GOLIM4: variants seen among roughly 807,000 people sequenced by gnomAD.
GOLIM4 encodes the protein 130 kDa golgi-localized phosphoprotein.
Under a neutral mutation model 107.4 loss-of-function variants are expected in GOLIM4, and 71 were observed. The observed-to-expected ratio is 0.66, with a 90% confidence interval of 0.55 to 0.81. GOLIM4 has a LOEUF of 0.81. GOLIM4 is among the 30% of genes least tolerant of loss of function. The pLI is 0.00. For missense variants in GOLIM4, 830 were observed against 826.1 expected (o/e 1.00, Z -0.06); for synonymous variants, 327 against 294.8 (o/e 1.11, Z -1.12).
chr3:168,013,215 AC>A (rs1007792687), intron 14 of GOLIM4, among the ~76,000 whole-genome samples: 16 of 151,436 alleles, frequency 1.1e-4, no homozygotes, highest in Admixed American at 4.6e-4. Context: ...CAAATGGAAA[AC>A]AAAAAAAGGC....
chr3:168,083,358 T>G (rs1179802157), intron 1 of GOLIM4, among the ~76,000 whole-genome samples: 1 of 152,214 alleles, frequency 6.6e-6, no homozygotes, highest in East Asian at 1.9e-4. Context: ...TGCAGTGCAT[T>G]CATATCTACT....
In GOLIM4 at chr3:168,009,227, C is replaced by T. The variant is rs1478708506; in HGVS notation, c.*1042G>A. 6.6e-6 allele frequency: 1 copy of T among 151,662 alleles called. No homozygotes were observed. Among genetic ancestry groups the T allele is most frequent in the African/African-American group, 2.4e-5 (1 of 41,340 alleles). The allele number at this position is 151,662 out of a possible 1,614,324, so 9.4% of individuals were successfully genotyped here. On this transcript the variant is annotated 3_prime_UTR_variant, in exon 16 of 16. Transcript: ENST00000470487. ...AAAAAGCAGACCCAATCCCAGCAAA[C>T]AGAAAAACCATAAGTCTATCATATC... is the stretch of plus-strand genomic sequence containing the variant.
At position 168,009,774 on chromosome 3, in the gene GOLIM4, C is replaced by T. The variant is rs184024850; in HGVS notation, c.*495G>A. 1 of 152,528 alleles carries T rather than the reference C, an allele frequency of 6.6e-6. No homozygotes were observed. The highest frequency in any genetic ancestry group is 1.9e-4 in the East Asian group (1 of 5,190). The allele number at this position is 152,528 out of a possible 1,614,324, so 9.4% of individuals were successfully genotyped here. A position where few individuals can be genotyped will look rare whatever the true frequency, so the allele number is the denominator to read the frequency against. ...GTACATAGATCTCACTCCAGAGATA[C>T]ATAGACTGGTGAAAATTCTATCAGA... On this transcript the variant is annotated 3_prime_UTR_variant, in exon 16 of 16. Transcript: ENST00000470487.
rs144100210 is a variant in GOLIM4, at chr3:168,063,423, G to A, written c.188-15058C>T. Among the ~76,000 whole-genome samples, 1,414 of 152,108 alleles carry A rather than the reference G, an allele frequency of 9.3e-3. 21 individuals are homozygous for A. The highest frequency in any genetic ancestry group is 0.023 in the African/African-American group (946 of 41,462). On this transcript the variant is annotated intron_variant, in intron 1 of 15. Coordinates refer to ENST00000470487, the MANE Select transcript of GOLIM4 (RefSeq NM_014498.5). ...TTTTAATAGCACTTTTAGGTTCATA[G>A]CAAAATTGAAAGAAAGGTACAGAGA...
chr3:168,086,572 C>T (rs1434635671), intron 1 of GOLIM4, among the ~76,000 whole-genome samples: 2 of 152,140 alleles, frequency 1.3e-5, no homozygotes, highest in Admixed American at 6.5e-5. Flanking sequence ...TTCTATAATG[C>T]CTATCCTTCA....
At position 168,044,890 on chromosome 3, in the gene GOLIM4, C is replaced by CAAA. The variant is rs57702503; in HGVS notation, c.313-12_313-10dup. 1.4e-4 allele frequency: 177 copies of CAAA among 1,267,470 alleles called. No homozygotes were observed. The highest frequency in any genetic ancestry group is 4.1e-4 in the Middle Eastern group (2 of 4,908). The allele number at this position is 1,267,470 out of a possible 1,614,324, so 78.5% of individuals were successfully genotyped here. ...CTGCTATTGGAATCTTGCTGTAAAT[C>CAAA]AAAAAAAAAAAAGAAAACACAAAGA... On this transcript the variant is annotated splice_polypyrimidine_tract_variant and intron_variant, in intron 3 of 15. Transcript: ENST00000470487.
chr3:168,032,391 G>A, intron 9 of GOLIM4, 129 bp downstream of exon 9: 1 of 729,158 alleles, frequency 1.4e-6, no homozygotes, highest in Admixed American at 2.3e-5. Flanking sequence ...ACTTAAATAT[G>A]AGCATATAAT....
intron 1 of GOLIM4, among the ~76,000 whole-genome samples, chr3:168,053,481 C>T (rs1719768552): frequency 6.6e-6 from 1 of 152,150 alleles, no homozygotes; most frequent in Admixed American, 6.5e-5. Flanking sequence ...TTGCAAGTAC[C>T]TCTATCTTCT....
intron 1 of GOLIM4, among the ~76,000 whole-genome samples, chr3:168,090,822 G>A (rs1721868937): frequency 6.6e-6 from 1 of 152,174 alleles, no homozygotes; most frequent in Non-Finnish European, 1.5e-5. Context: ...TATACACCAT[G>A]GAATACTACT....
At position 168,013,501 on chromosome 3, in the gene GOLIM4, G is replaced by A. The variant is rs1451947765; in HGVS notation, c.1861-2678C>T. Among the ~76,000 whole-genome samples, 5 of 143,336 alleles carry A rather than the reference G, an allele frequency of 3.5e-5. No homozygotes were observed. The East Asian group carries it at 5.9e-4, about 17-fold the overall frequency. 94.0% of individuals were successfully genotyped at this position (143,336 alleles called of 152,430 possible). A position where few individuals can be genotyped will look rare whatever the true frequency, so the allele number is the denominator to read the frequency against. On this transcript the variant is annotated intron_variant, in intron 14 of 15. Coordinates refer to ENST00000470487, the MANE Select transcript of GOLIM4 (RefSeq NM_014498.5). ...ATCAACGAGACAGAAAGTCAACAAG[G>A]ATACCCAGGAATTGAACTCAGCTCT...
At chr3:168,067,632 A>G (rs551168981) in intron 1 of GOLIM4, among the ~76,000 whole-genome samples, 50 of 152,202 alleles carry the variant, frequency 3.3e-4, no homozygotes, top group African/African-American at 1.1e-3. Context: ...AAAAATCAAT[A>G]TTTTTCTAAA....
chr3:168,076,373 T>A (rs1041758629), intron 1 of GOLIM4, among the ~76,000 whole-genome samples: 2 of 152,216 alleles, frequency 1.3e-5, no homozygotes, highest in African/African-American at 4.8e-5. Context: ...TTTCTTTGTT[T>A]TTAATCCACA....
chr3:168,014,103 T>C (rs1390185658), intron 14 of GOLIM4, among the ~76,000 whole-genome samples: 32 of 143,904 alleles, frequency 2.2e-4, no homozygotes, highest in Admixed American at 2.2e-3. Context: ...ATCCAGGAGC[T>C]GGTTTTTTGA....
rs1716915669 is a variant in GOLIM4 at position 168,010,254 on chromosome 3, A to G, written c.*15T>C. ...AGAATCCGTTGGCTGAGCGTTGTCT[A>G]GAAATTGGGTGCCGCTACATTTCAG... On this transcript the variant is annotated 3_prime_UTR_variant, in exon 16 of 16. Transcript: ENST00000470487. 1.2e-6 allele frequency: 2 copies of G among 1,607,680 alleles called. No individual in the cohort carries two copies. Among genetic ancestry groups the G allele is most frequent in the African/African-American group, 2.7e-5 (2 of 74,734 alleles).
At chr3:168,054,650 ACT>A (rs201868678) in intron 1 of GOLIM4, among the ~76,000 whole-genome samples, 2,455 of 151,966 alleles carry the variant, frequency 0.016, 57 homozygotes, top group African/African-American at 0.055. Context: ...AATTTTTATT[ACT>A]GTTATAAATA....
At chr3:168,029,678 C>A in intron 10 of GOLIM4, 102 bp downstream of exon 10, 3 of 1,315,896 alleles carry the variant, frequency 2.3e-6, no homozygotes, top group Non-Finnish European at 3.2e-6. Flanking sequence ...GCAATATGAG[C>A]CCCTTAACTT....
At chr3:168,032,342 G>C (rs986306226) in intron 9 of GOLIM4, among the ~76,000 whole-genome samples, 178 bp downstream of exon 9, 4 of 152,074 alleles carry the variant, frequency 2.6e-5, no homozygotes, top group African/African-American at 9.7e-5. Context: ...ATCTTTCTGA[G>C]GTATGCGAAT....
chr3:168,093,803 T>C (rs992641433), intron 1 of GOLIM4, among the ~76,000 whole-genome samples: 8 of 152,216 alleles, frequency 5.3e-5, no homozygotes, highest in Admixed American at 3.9e-4. Flanking sequence ...AAAATACTTT[T>C]CTTTCTTCTA....
chr3:168,038,957 T>C (rs914103448), intron 7 of GOLIM4, among the ~76,000 whole-genome samples: 1 of 152,160 alleles, frequency 6.6e-6, no homozygotes, highest in African/African-American at 2.4e-5. Context: ...TATGTGAAGA[T>C]ACAAGGAGAA....
Sources: allele counts gnomAD v4.1 joint callset (sites outside exome capture counted in the v4.1 genomes callset), GRCh38; gene constraint gnomAD v4.1.1; transcripts MANE v1.5; gene names NCBI Gene and HGNC (gene_info 2026-07-23, HGNC 2026-07-21).